Variants in RAD52 observed in about 807,000 individuals in gnomAD.
The protein encoded by RAD52 is DNA repair protein RAD52 homolog.
A neutral mutation model predicts 55.5 loss-of-function variants in RAD52; 47 were observed. That is an observed-to-expected ratio of 0.85 (90% CI 0.67 to 1.08). The LOEUF is 1.08. Ranked by LOEUF, RAD52 falls within the 50% of genes least tolerant of loss-of-function variation. The pLI, the probability that RAD52 is intolerant of heterozygous loss-of-function variation, is 0.00. For synonymous variants in RAD52, 184 were observed against 198.9 expected, an observed-to-expected ratio of 0.92 and a Z score of 0.63; for missense variants, 468 against 522.8, an observed-to-expected ratio of 0.90 and a Z score of 1.02.
At chr12:936,498 A>AC (rs1323759077) in intron 1 of RAD52, among the ~76,000 whole-genome samples, 1 of 150,958 alleles carries the variant, frequency 6.6e-6, no homozygotes, top group Non-Finnish European at 1.5e-5. Flanking sequence ...AAAAAAAAAA[A>AC]AAAAAAATTT....
At chr12:958,593 G>A (rs4765656) in intron 1 of RAD52, among the ~76,000 whole-genome samples, 36,480 of 152,094 alleles carry the variant, frequency 0.24, 4,460 homozygotes, top group Middle Eastern at 0.31. Flanking sequence ...TTGAAGTCAT[G>A]TGAAAGAAGA....
At chr12:961,131 T>C (rs1189574373) in intron 1 of RAD52, among the ~76,000 whole-genome samples, 1 of 151,258 alleles carries the variant, frequency 6.6e-6, no homozygotes, top group Non-Finnish European at 1.5e-5. Flanking sequence ...CTGGCCAATA[T>C]GGTGAAACCC....
At chr12:935,960 C>T (rs1480035346) in intron 1 of RAD52, among the ~76,000 whole-genome samples, 1 of 148,390 alleles carries the variant, frequency 6.7e-6, no homozygotes, top group Admixed American at 6.7e-5. Context: ...CTCAAGTGAT[C>T]CACCCGCCTC....
chr12:918,274 A>G (rs1036088859), intron 7 of RAD52, among the ~76,000 whole-genome samples: 3 of 152,240 alleles, frequency 2.0e-5, no homozygotes, highest in Admixed American at 6.5e-5. Flanking sequence ...CAGCAATGAA[A>G]CTGCTGCTCG....
intron 1 of RAD52, among the ~76,000 whole-genome samples, chr12:943,949 C>T (rs2154118203): frequency 6.6e-6 from 1 of 152,234 alleles, no homozygotes; most frequent in African/African-American, 2.4e-5. Context: ...GGTGCAGTTG[C>T]TCACACCTGT....
chr12:929,968 C>T (rs1196301183), intron 4 of RAD52, 82 bp from the exon 5 acceptor site: 1 of 1,567,942 alleles, frequency 6.4e-7, no homozygotes, highest in African/African-American at 1.4e-5. Flanking sequence ...GCTGAGTCCA[C>T]CTACCTTACC....
intron 7 of RAD52, among the ~76,000 whole-genome samples, chr12:921,353 T>C (rs566347847): frequency 5.9e-5 from 9 of 152,316 alleles, no homozygotes; most frequent in African/African-American, 2.2e-4. Context: ...ACGCCTGTTA[T>C]CCCAGCATTT....
chr12:913,429 T>C lies in RAD52; in HGVS notation c.1219A>G (p.Ser407Gly), dbSNP rs764249964. 3.4e-5 allele frequency: 55 copies of C among 1,607,940 alleles called. 1 individual carries two copies. In the Admixed American group the frequency reaches 9.2e-4, roughly 27 times the overall value. ...TATTTCCTTTTCTTCATGTCCTGGCTCTTCCTATGAGATTCCCAGTTTCCT... is the reference window on the plus strand; with the variant it reads ...TATTTCCTTTTCTTCATGTCCTGGCCCTTCCTATGAGATTCCCAGTTTCCT... Reference protein sequence around the residue: ...TTGNWESHRKSQDMKKRKYDP... With the variant: ...TTGNWESHRKGQDMKKRKYDP... The change falls in exon 12 of 12, where the codon AGC becomes GGC. Residue 407 changes from serine (S) to glycine (G), a missense_variant. Transcript: ENST00000358495.
chr12:924,297 C>A (rs1221389485), intron 7 of RAD52, among the ~76,000 whole-genome samples: 1 of 151,596 alleles, frequency 6.6e-6, no homozygotes. Flanking sequence ...GTAATCCCAG[C>A]TACTCAGGAG....
At chr12:923,652 C>T (rs1333643739) in intron 7 of RAD52, among the ~76,000 whole-genome samples, 11 of 151,592 alleles carry the variant, frequency 7.3e-5, no homozygotes, top group Non-Finnish European at 2.9e-5. Context: ...TCTTGTTTTA[C>T]GGGTGCAGGG....
At chr12:915,994 G>C (rs1368344921) in intron 9 of RAD52, among the ~76,000 whole-genome samples, 2 of 152,130 alleles carry the variant, frequency 1.3e-5, no homozygotes, top group African/African-American at 4.8e-5. Context: ...TGGGATTACG[G>C]ACATGAGCCA....
At chr12:951,535 CTGT>C (rs1958528222), upstream of RAD52, among the ~76,000 whole-genome samples, 1 of 152,198 alleles carries the variant, frequency 6.6e-6, no homozygotes, top group Admixed American at 6.5e-5. Flanking sequence ...TTCTCTCACT[CTGT>C]TGTTTTCTTT....
At chr12:988,999 G>C (rs1330864866) in intron 1 of RAD52, among the ~76,000 whole-genome samples, 4 of 151,882 alleles carry the variant, frequency 2.6e-5, no homozygotes, top group African/African-American at 9.7e-5. Context: ...TAGGAAACCA[G>C]CTATTGTGCT....
upstream of RAD52, among the ~76,000 whole-genome samples, chr12:950,835 C>T (rs2154119925): frequency 6.6e-6 from 1 of 152,162 alleles, no homozygotes; most frequent in African/African-American, 2.4e-5. Context: ...AATTGTATTC[C>T]TCCTGTTTAA....
chr12:947,323 TC>T (rs1958287200), intron 1 of RAD52, among the ~76,000 whole-genome samples: 1 of 66,648 alleles, frequency 1.5e-5, no homozygotes, highest in Non-Finnish European at 3.7e-5. Flanking sequence ...CGAAACTCTG[TC>T]CCCCCAAAAA....
chr12:938,775 A>C (rs1957763369), intron 1 of RAD52, among the ~76,000 whole-genome samples: 1 of 152,186 alleles, frequency 6.6e-6, no homozygotes, highest in African/African-American at 2.4e-5. Context: ...AGGGATAAAG[A>C]AAAGCTATAA....
rs369116905 is a variant in RAD52, at chr12:912,229, G to T, written c.*1162C>A. 3.6e-5 allele frequency: 7 copies of T among 196,302 alleles called. No homozygotes were observed. The South Asian group carries it at 1.3e-3, about 38-fold the overall frequency. 12.2% of individuals were successfully genotyped at this position (196,302 alleles called of 1,614,324 possible). A position where few individuals can be genotyped will look rare whatever the true frequency, so the allele number is the denominator to read the frequency against. ...TCTGAGCACTGACGTGATGCCAGAAGTGGAAAATTCCACACGTGACCTCGT... is the reference window on the plus strand; with the variant it reads ...TCTGAGCACTGACGTGATGCCAGAATTGGAAAATTCCACACGTGACCTCGT... On this transcript the variant is annotated 3_prime_UTR_variant, in exon 12 of 12. Coordinates refer to ENST00000358495, the MANE Select transcript of RAD52 (RefSeq NM_134424.4).
At chr12:965,082 C>T (rs748134484) in intron 1 of RAD52, among the ~76,000 whole-genome samples, 13 of 151,902 alleles carry the variant, frequency 8.6e-5, no homozygotes, top group Admixed American at 3.9e-4. Context: ...TGGGTTCAAG[C>T]GATTCTCCTG....
At chr12:978,299 C>T (rs151327697) in intron 1 of RAD52, among the ~76,000 whole-genome samples, 8,450 of 152,026 alleles carry the variant, frequency 0.056, 359 homozygotes, top group Admixed American at 0.14. Context: ...GTGATCTGCC[C>T]GCCTTGGCCT....
Sources: allele counts gnomAD v4.1 joint callset (sites outside exome capture counted in the v4.1 genomes callset), GRCh38; gene constraint gnomAD v4.1.1; transcripts MANE v1.5; gene names NCBI Gene and HGNC (gene_info 2026-07-23, HGNC 2026-07-21).